IRF8: variants seen among roughly 807,000 people sequenced by gnomAD.
The protein encoded by IRF8 is interferon consensus sequence binding protein 1.
Under a neutral mutation model 48.7 loss-of-function variants are expected in IRF8, and 14 were observed. The ratio of observed to expected loss-of-function variants is 0.29; its 90% CI spans 0.19 to 0.45. The LOEUF (loss-of-function observed/expected upper bound fraction) is 0.45, where lower values mean the gene tolerates loss of function less well. Among genes scored for constraint, IRF8 ranks in the 20% least tolerant of loss-of-function variants. The pLI, the probability that IRF8 is intolerant of heterozygous loss-of-function variation, is 1.00. For missense variants in IRF8, 493 were observed against 580.7 expected (o/e 0.85, Z 1.55); for synonymous variants, 278 against 227.3 (o/e 1.22, Z -2.01).
At chr16:85,916,271 G>T (rs1175115333) in intron 6 of IRF8, among the ~76,000 whole-genome samples, 1 of 152,254 alleles carries the variant, frequency 6.6e-6, no homozygotes, top group African/African-American at 2.4e-5. Flanking sequence ...GCTTGCCCCA[G>T]GTCATCCAGC....
At chr16:85,899,785 G>A (rs529311136) in intron 1 of IRF8, among the ~76,000 whole-genome samples, 21 of 152,278 alleles carry the variant, frequency 1.4e-4, no homozygotes, top group South Asian at 6.2e-4. Flanking sequence ...TCTGTATATG[G>A]GCCACAGCTC....
intron 3 of IRF8, among the ~76,000 whole-genome samples, chr16:85,910,659 G>A (rs1365361210): frequency 6.6e-6 from 1 of 152,178 alleles, no homozygotes; most frequent in African/African-American, 2.4e-5. Context: ...AGCAGCAGGA[G>A]GTTCTCAGGG....
At chr16:85,910,617 CAG>C (rs1438152160) in intron 3 of IRF8, among the ~76,000 whole-genome samples, 1 of 152,106 alleles carries the variant, frequency 6.6e-6, no homozygotes, top group Non-Finnish European at 1.5e-5. Flanking sequence ...GCATGGGGTG[CAG>C]CCAGCATCAC....
rs1363457499 is a variant in IRF8, at chr16:85,913,168, G to C, written c.485G>C (p.Ser162Thr). 1.2e-6 allele frequency: 2 copies of C among 1,614,204 alleles called. No individual in the cohort carries two copies. Among genetic ancestry groups the C allele is most frequent in the African/African-American group, 2.7e-5 (2 of 75,076 alleles). Reference sequence around the variant, plus strand: ...GATTACATGGGGATGATCAAAAGGAGCCCTTCCCCGCCGGAGGCCTGTCGG... The same window carrying C: ...GATTACATGGGGATGATCAAAAGGACCCCTTCCCCGCCGGAGGCCTGTCGG... ...VDDYMGMIKR[S>T]PSPPEACRSQ... is the part of the protein sequence containing the mutation. The change falls in exon 5 of 9, where the codon AGC becomes ACC. Residue 162 changes from serine (S) to threonine (T), a missense_variant. Coordinates refer to ENST00000268638, the MANE Select transcript of IRF8 (RefSeq NM_002163.4).
intron 2 of IRF8, among the ~76,000 whole-genome samples, chr16:85,904,383 C>A (rs1222519682): frequency 6.6e-6 from 1 of 152,176 alleles, no homozygotes; most frequent in East Asian, 1.9e-4. Flanking sequence ...CAGTGCTGGA[C>A]TCCCAGCCAC....
Position 85,914,459 on chromosome 16 carries a change from T to C in IRF8, c.554-14T>C. 6.2e-7 allele frequency: 1 copy of C among 1,614,160 alleles called. No homozygotes were observed. The highest frequency in any genetic ancestry group is 8.5e-7 in the Non-Finnish European group (1 of 1,179,988). On this transcript the variant is annotated splice_polypyrimidine_tract_variant and intron_variant, in intron 5 of 8. Coordinates refer to ENST00000268638, the MANE Select transcript of IRF8 (RefSeq NM_002163.4). Reference sequence around the variant, plus strand: ...CTGGGTGGCTCTGAGCTTGCTTTTCTGTTTCTCCTGCAGGCGTGCCGCTGG... The same window carrying C: ...CTGGGTGGCTCTGAGCTTGCTTTTCCGTTTCTCCTGCAGGCGTGCCGCTGG...
At chr16:85,907,553 C>T (rs1449453810) in intron 2 of IRF8, among the ~76,000 whole-genome samples, 1 of 152,150 alleles carries the variant, frequency 6.6e-6, no homozygotes, top group Non-Finnish European at 1.5e-5. Flanking sequence ...TGGTGCACAC[C>T]TGTAGTCCCA....
chr16:85,918,700 C>G lies in IRF8; in HGVS notation c.885C>G (p.Gly295=). Residue 295 remains glycine, a synonymous_variant, in exon 7 of 9, where the codon GGC becomes GGG. Transcript: ENST00000268638. ...QGVFVKRLCQ[G]RVFCSGNAVV... ...TGTTCGTCAAGCGGCTGTGCCAGGG[C>G]CGCGTGTTCTGCAGCGGCAACGCCG... is the stretch of plus-strand genomic sequence containing the variant. 6.2e-7 allele frequency: 1 copy of G among 1,612,266 alleles called. No individual in the cohort carries two copies.
chr16:85,914,567 C>G (rs1461743219), intron 6 of IRF8, 47 bp downstream of exon 6: 2 of 1,609,392 alleles, frequency 1.2e-6, no homozygotes, highest in African/African-American at 2.7e-5. Context: ...TGTTTGAAGA[C>G]AAAGCCCAGA....
chr16:85,900,164 A>G (rs1904784953), intron 1 of IRF8, among the ~76,000 whole-genome samples: 1 of 152,176 alleles, frequency 6.6e-6, no homozygotes, highest in African/African-American at 2.4e-5. Flanking sequence ...CGGGTATGCT[A>G]GGCCAGAGCG....
intron 1 of IRF8, among the ~76,000 whole-genome samples, chr16:85,900,654 C>T (rs1157125866): frequency 2.0e-5 from 3 of 152,212 alleles, no homozygotes; most frequent in African/African-American, 7.2e-5. Flanking sequence ...CGCTGGCTGC[C>T]TCGGTATTTG....
chr16:85,914,336 G>A lies in IRF8; in HGVS notation c.554-137G>A, dbSNP rs573202663. 274 of 913,598 alleles carry A rather than the reference G, an allele frequency of 3.0e-4. 2 individuals carry two copies. The Middle Eastern group carries it at 0.015, about 51-fold the overall frequency. 56.6% of individuals were successfully genotyped at this position (913,598 alleles called of 1,614,324 possible). A position where few individuals can be genotyped will look rare whatever the true frequency, so the allele number is the denominator to read the frequency against. Reference sequence around the variant, plus strand: ...GGTGGGGAAAAGCACTGAATTCAGCGGAAGCCTGTGCTCCCTGGAGCCTCT... The same window carrying A: ...GGTGGGGAAAAGCACTGAATTCAGCAGAAGCCTGTGCTCCCTGGAGCCTCT... On this transcript the variant is annotated intron_variant, in intron 5 of 8. Transcript: ENST00000268638.
chr16:85,915,811 A>T (rs1816046145), intron 6 of IRF8, among the ~76,000 whole-genome samples: 1 of 152,164 alleles, frequency 6.6e-6, no homozygotes, highest in Admixed American at 6.5e-5. Flanking sequence ...TGAGATGCAG[A>T]GGCACAATTT....
In IRF8 at chr16:85,921,160, G is replaced by T. The variant is rs754985499; in HGVS notation, c.1159G>T (p.Ala387Ser). 4 of 1,614,180 alleles carry T rather than the reference G, an allele frequency of 2.5e-6. No homozygotes were observed. The Admixed American group carries it at 5.0e-5, about 20-fold the overall frequency. Residue 387 changes from alanine to serine, a missense_variant, in exon 9 of 9, where the codon GCC becomes TCC. Physicochemically the swap from Ala to Ser is moderately conservative, Grantham distance 99. Coordinates refer to ENST00000268638, the MANE Select transcript of IRF8 (RefSeq NM_002163.4). ...LAEEAGKSCG[A>S]GSVMQAPEEP... ...AGAAGAGGCTGGGAAGAGCTGTGGA[G>T]CCGGCTCTGTGATGCAGGCCCCCGA...
intron 3 of IRF8, among the ~76,000 whole-genome samples, chr16:85,910,084 A>C (rs1597252469): frequency 6.6e-6 from 1 of 152,298 alleles, no homozygotes; most frequent in Admixed American, 6.5e-5. Context: ...TTGACTTAGA[A>C]TTTTTTAAGA....
At chr16:85,911,539 T>G in intron 3 of IRF8, 31 bp from the exon 4 acceptor site, 2 of 1,577,188 alleles carry the variant, frequency 1.3e-6, no homozygotes, top group East Asian at 2.2e-5. Context: ...CTCCGTGCCA[T>G]GTGTCATGGT....
At chr16:85,909,467 A>T (rs557796791) in intron 3 of IRF8, 1 of 426,034 alleles carries the variant, frequency 2.3e-6, no homozygotes, top group African/African-American at 2.0e-5. Flanking sequence ...CTGATGAGGA[A>T]TCCTTTCATT....
At chr16:85,907,355 C>G (rs1905034716) in intron 2 of IRF8, among the ~76,000 whole-genome samples, 1 of 152,176 alleles carries the variant, frequency 6.6e-6, no homozygotes, top group Non-Finnish European at 1.5e-5. Context: ...TCCTGGGTAG[C>G]TAAATCCAAA....
intron 2 of IRF8, among the ~76,000 whole-genome samples, chr16:85,907,075 G>T (rs1905027948): frequency 6.6e-6 from 1 of 152,214 alleles, no homozygotes; most frequent in African/African-American, 2.4e-5. Flanking sequence ...AATGAAGAGA[G>T]CATTAAAGAC....
Sources: gnomAD v4.1 joint callset for allele counts (sites outside exome capture counted in the v4.1 genomes callset) on GRCh38, gnomAD v4.1.1 for gene constraint, MANE v1.5 for transcripts, NCBI Gene and HGNC (gene_info 2026-07-23, HGNC 2026-07-21) for gene names.